FSHR: variants seen among roughly 807,000 people sequenced by gnomAD.
The protein encoded by FSHR is follicle stimulating hormone receptor, also known as follicle-stimulating hormone receptor.
FSHR carries 46 observed loss-of-function variants against 52.1 expected under a neutral mutation model. That is an observed-to-expected ratio of 0.88 (90% CI 0.70 to 1.13). The LOEUF is 1.13. FSHR is among the 50% of genes most tolerant of loss of function. The probability of loss-of-function intolerance (pLI) is 0.00; values close to 1 mark genes in which losing one functional copy is unlikely to be tolerated. For missense variants in FSHR, 964 were observed against 834.6 expected (o/e 1.16, Z -1.91); for synonymous variants, 399 against 309.6 (o/e 1.29, Z -3.03).
chr2:49,031,282 A>G (rs560432035), intron 2 of FSHR, among the ~76,000 whole-genome samples: 2 of 152,314 alleles, frequency 1.3e-5, no homozygotes, highest in Admixed American at 1.3e-4. Flanking sequence ...TGTATAATTT[A>G]ATTGTGAAGC....
intron 2 of FSHR, among the ~76,000 whole-genome samples, chr2:49,064,309 A>G (rs775370826): frequency 6.6e-6 from 1 of 150,520 alleles, no homozygotes; most frequent in Non-Finnish European, 1.5e-5. Flanking sequence ...CAACATTGGG[A>G]AATGTGGCCT....
chr2:49,011,458 C>T (rs1667269893), intron 4 of FSHR, among the ~76,000 whole-genome samples: 1 of 151,838 alleles, frequency 6.6e-6, no homozygotes, highest in South Asian at 2.1e-4. Flanking sequence ...AGTATGTGGT[C>T]AGTTTTGGAA....
intron 4 of FSHR, among the ~76,000 whole-genome samples, chr2:49,016,545 A>G (rs997221513): frequency 3.9e-5 from 6 of 152,156 alleles, no homozygotes; most frequent in African/African-American, 1.2e-4. Flanking sequence ...AGTCATCCCA[A>G]TTGAGGCCAT....
chr2:49,134,632 A>AC (rs1175770794), intron 1 of FSHR, among the ~76,000 whole-genome samples: 3 of 152,354 alleles, frequency 2.0e-5, no homozygotes, highest in African/African-American at 4.8e-5. Context: ...TTATTGTGGC[A>AC]CTATTCACAA....
At chr2:49,153,493 A>G (rs1196409341) in intron 1 of FSHR, among the ~76,000 whole-genome samples, 1 of 152,190 alleles carries the variant, frequency 6.6e-6, no homozygotes, top group Non-Finnish European at 1.5e-5. Flanking sequence ...TTTTGGCTCC[A>G]TCTCAACTCA....
At chr2:49,095,493 C>A (rs1394760207) in intron 1 of FSHR, among the ~76,000 whole-genome samples, 1 of 152,092 alleles carries the variant, frequency 6.6e-6, no homozygotes, top group South Asian at 2.1e-4. Flanking sequence ...GATTAAAGAT[C>A]AAATTGTAAG....
intron 1 of FSHR, among the ~76,000 whole-genome samples, chr2:49,152,572 A>G (rs914719251): frequency 1.3e-5 from 2 of 151,990 alleles, no homozygotes; most frequent in African/African-American, 2.4e-5. Context: ...AGAATGAAAA[A>G]AGAAAATCTC....
chr2:49,111,883 A>G (rs1671436966), intron 1 of FSHR, among the ~76,000 whole-genome samples: 1 of 152,218 alleles, frequency 6.6e-6, no homozygotes, highest in African/African-American at 2.4e-5. Flanking sequence ...GTCTTTACAA[A>G]GTGATTCCAT....
intron 1 of FSHR, among the ~76,000 whole-genome samples, chr2:49,091,439 G>A (rs138340605): frequency 4.5e-4 from 68 of 152,160 alleles, no homozygotes; most frequent in African/African-American, 1.6e-3. Context: ...TAGTAGCTGG[G>A]ACTACAGGTG....
In FSHR at chr2:49,084,723, GC is replaced by G. The variant is rs554207885; in HGVS notation, c.153-16434del. ...CAGAGAATACTACAAACACCTCTAT[GC>G]AAATAAACTAGAAAATCTAGAAGAA... On this transcript the variant is annotated intron_variant, in intron 1 of 9. Transcript: ENST00000406846. 8.9e-4 allele frequency among the ~76,000 whole-genome samples: 135 copies of G among 152,294 alleles called. 2 individuals are homozygous for G. Among genetic ancestry groups the G allele is most frequent in the African/African-American group, 3.0e-3 (124 of 41,576 alleles).
chr2:49,144,033 T>C (rs1456769287), intron 1 of FSHR, among the ~76,000 whole-genome samples: 1 of 152,074 alleles, frequency 6.6e-6, no homozygotes, highest in East Asian at 1.9e-4. Flanking sequence ...AAAGAATTAT[T>C]CTTTAGAGAG....
intron 4 of FSHR, among the ~76,000 whole-genome samples, chr2:49,005,540 G>C (rs556717789): frequency 6.6e-6 from 1 of 152,084 alleles, no homozygotes; most frequent in Non-Finnish European, 1.5e-5. Flanking sequence ...TTCTCGATGA[G>C]TGATATCTGC....
chr2:48,968,661 G>A (rs565125814), intron 9 of FSHR, 37 bp downstream of exon 9: 1 of 1,608,088 alleles, frequency 6.2e-7, no homozygotes, highest in Non-Finnish European at 8.5e-7. Context: ...TTCTACATTG[G>A]GGAAATGCCT....
chr2:48,981,469 C>G (rs1042168384), intron 8 of FSHR, among the ~76,000 whole-genome samples: 2 of 151,942 alleles, frequency 1.3e-5, no homozygotes, highest in Non-Finnish European at 2.9e-5. Flanking sequence ...GTGAGGAAAC[C>G]AAGGCTTAGA....
At chr2:49,044,420 G>C (rs535663744) in intron 2 of FSHR, among the ~76,000 whole-genome samples, 1 of 152,310 alleles carries the variant, frequency 6.6e-6, no homozygotes, top group East Asian at 1.9e-4. Flanking sequence ...CGGGAACATG[G>C]TAATGAACTC....
At chr2:49,066,711 C>T (rs1218839856) in intron 2 of FSHR, among the ~76,000 whole-genome samples, 1 of 152,018 alleles carries the variant, frequency 6.6e-6, no homozygotes, top group African/African-American at 2.4e-5. Flanking sequence ...TTCGTATTGC[C>T]ACAGGAAGGT....
At chr2:49,141,553 T>A (rs1207252319) in intron 1 of FSHR, among the ~76,000 whole-genome samples, 1 of 152,054 alleles carries the variant, frequency 6.6e-6, no homozygotes, top group Non-Finnish European at 1.5e-5. Flanking sequence ...ACCCCAATGA[T>A]CCAAATACCT....
At chr2:49,032,726 A>G (rs949222986) in intron 2 of FSHR, among the ~76,000 whole-genome samples, 5 of 152,214 alleles carry the variant, frequency 3.3e-5, no homozygotes, top group African/African-American at 1.2e-4. Flanking sequence ...TGAAAGATAG[A>G]AGGAGGAGCA....
At chr2:49,059,947 C>T (rs1669223611) in intron 2 of FSHR, among the ~76,000 whole-genome samples, 2 of 152,060 alleles carry the variant, frequency 1.3e-5, no homozygotes, top group South Asian at 4.2e-4. Context: ...ATATGTTTGC[C>T]AAGTACTCAT....
Sources: gnomAD v4.1 joint callset for allele counts (sites outside exome capture counted in the v4.1 genomes callset) on GRCh38, gnomAD v4.1.1 for gene constraint, MANE v1.5 for transcripts, NCBI Gene and HGNC (gene_info 2026-07-23, HGNC 2026-07-21) for gene names.